The following PCDHA11 variants were observed in gnomAD, a reference collection of about 807,000 sequenced individuals.
PCDHA11 encodes the protein protocadherin alpha-11.
Under a neutral mutation model 70.3 loss-of-function variants are expected in PCDHA11, and 61 were observed. The observed-to-expected ratio is 0.87, with a 90% CI of 0.71 to 1.07. The LOEUF is 1.07. PCDHA11 is among the 50% of genes least tolerant of loss of function. The probability of loss-of-function intolerance (pLI) is 0.00; values close to 1 mark genes in which losing one functional copy is unlikely to be tolerated. For synonymous variants in PCDHA11, 633 were observed against 555.1 expected (o/e 1.14, Z -1.97); for missense variants, 1,324 against 1,237.5 (o/e 1.07, Z -1.05).
At chr5:140,982,675 T>C in intron 3 of PCDHA11, 112 bp downstream of exon 3, 1 of 1,441,782 alleles carries the variant, frequency 6.9e-7, no homozygotes, top group Non-Finnish European at 9.1e-7. Flanking sequence ...ATTTTTGTTA[T>C]TCCCTTTTTT....
chr5:140,978,506 C>T (rs914101151), intron 1 of PCDHA11, among the ~76,000 whole-genome samples: 22 of 152,244 alleles, frequency 1.4e-4, no homozygotes, highest in African/African-American at 4.1e-4. Context: ...GATTGCAGTC[C>T]TCTGCAGTCC....
chr5:140,927,027 G>A (rs1554203924), intron 1 of PCDHA11: 3 of 1,612,328 alleles, frequency 1.9e-6, no homozygotes, highest in Non-Finnish European at 1.7e-6. Context: ...ACTTGAGGCT[G>A]CCAGCGGCCG....
At chr5:140,873,260 G>A (rs1252265709) in intron 1 of PCDHA11, among the ~76,000 whole-genome samples, 2 of 152,146 alleles carry the variant, frequency 1.3e-5, no homozygotes, top group Non-Finnish European at 2.9e-5. Context: ...AGACTCAAAA[G>A]TGATTAAACC....
intron 1 of PCDHA11, among the ~76,000 whole-genome samples, chr5:140,964,670 G>A (rs2095847592): frequency 6.6e-6 from 1 of 151,912 alleles, no homozygotes; most frequent in Non-Finnish European, 1.5e-5. Context: ...CACAGGCCAG[G>A]TCCACAATTT....
chr5:140,971,290 A>G (rs2096467357), intron 1 of PCDHA11, among the ~76,000 whole-genome samples: 1 of 152,204 alleles, frequency 6.6e-6, no homozygotes, highest in East Asian at 1.9e-4. Context: ...ATTAATATGT[A>G]CTTTGGTACA....
intron 1 of PCDHA11, among the ~76,000 whole-genome samples, chr5:140,976,681 A>T (rs2096726641): frequency 6.6e-6 from 1 of 152,206 alleles, no homozygotes; most frequent in Non-Finnish European, 1.5e-5. Context: ...TCATTTTTGC[A>T]ATTTAAGTAC....
At position 140,877,889 on chromosome 5, in the gene PCDHA11, G is replaced by A. The variant is rs904032241; in HGVS notation, c.2391+6395G>A. On this transcript the variant is annotated intron_variant, in intron 1 of 3. Coordinates refer to ENST00000398640, the MANE Select transcript of PCDHA11 (RefSeq NM_018902.5). ...ATATTTGTTTCCTTGAAGAACTTCC[G>A]TTTAGGTTATAACTACATTCTCTCA... 3.3e-5 allele frequency: 48 copies of A among 1,457,998 alleles called. No homozygotes were observed. The African/African-American group carries it at 6.0e-4, about 18-fold the overall frequency. 90.3% of individuals were successfully genotyped at this position (1,457,998 alleles called of 1,614,324 possible). A position where few individuals can be genotyped will look rare whatever the true frequency, so the allele number is the denominator to read the frequency against.
chr5:140,877,707 G>A, intron 1 of PCDHA11: 2 of 1,614,062 alleles, frequency 1.2e-6, no homozygotes, highest in Non-Finnish European at 1.7e-6. Flanking sequence ...CCAGCGCCGT[G>A]GGGAGTTGGT....
chr5:140,891,056 T>C (rs2062933451), intron 1 of PCDHA11, among the ~76,000 whole-genome samples: 1 of 152,196 alleles, frequency 6.6e-6, no homozygotes, highest in Non-Finnish European at 1.5e-5. Context: ...CAGCACATAG[T>C]AAATATTATT....
intron 1 of PCDHA11, among the ~76,000 whole-genome samples, chr5:140,975,937 A>C (rs2096690423): frequency 1.3e-5 from 2 of 152,194 alleles, no homozygotes; most frequent in South Asian, 2.1e-4. Context: ...CTTTGAAGCA[A>C]TAGGACATAT....
rs782531082 is a variant in PCDHA11 at position 140,877,160 on chromosome 5, C to T, written c.2391+5666C>T. The T allele has an allele frequency of 4.0e-5, 64 of 1,613,696 alleles. 1 individual carries two copies. In the Admixed American group the frequency reaches 1.0e-3, roughly 26 times the overall value. The stretch of plus-strand genomic sequence containing the variant: ...GTGCTGGACGAGAACGACAACGCGC[C>T]GGCACTGCTGGCGACTCCGGCTGGC... On this transcript the variant is annotated intron_variant, in intron 1 of 3. Transcript: ENST00000398640.
At chr5:140,906,589 C>T (rs2072764004) in intron 1 of PCDHA11, among the ~76,000 whole-genome samples, 1 of 152,220 alleles carries the variant, frequency 6.6e-6, no homozygotes, top group South Asian at 2.1e-4. Context: ...TGACTACCTT[C>T]CTCTACTACT....
chr5:140,889,025 A>G (rs2062065518), intron 1 of PCDHA11, among the ~76,000 whole-genome samples: 1 of 152,068 alleles, frequency 6.6e-6, no homozygotes, highest in South Asian at 2.1e-4. Flanking sequence ...TTCCTTGGAT[A>G]ACCGTAATTT....
chr5:140,990,172 TGA>T (rs1341832599), intron 3 of PCDHA11, among the ~76,000 whole-genome samples: 1 of 152,022 alleles, frequency 6.6e-6, no homozygotes, highest in Non-Finnish European at 1.5e-5. Context: ...TATGAAAAGG[TGA>T]CTTTTAAGAA....
At chr5:140,937,844 G>A (rs926736710) in intron 1 of PCDHA11, among the ~76,000 whole-genome samples, 7 of 149,606 alleles carry the variant, frequency 4.7e-5, no homozygotes, top group Non-Finnish European at 8.9e-5. Context: ...CCTGGAAGGC[G>A]GAACTTGGAG....
Position 140,870,416 on chromosome 5 carries a change from C to T in PCDHA11, c.1313C>T (p.Ala438Val). 1 of 1,614,230 alleles carries T rather than the reference C, an allele frequency of 6.2e-7. No homozygotes were observed. The highest frequency in any genetic ancestry group is 8.5e-7 in the Non-Finnish European group (1 of 1,180,052). The change falls in exon 1 of 4, where the codon GCC becomes GTC. Residue 438 changes from alanine (A) to valine (V), a missense_variant. Transcript: ENST00000398640. ...DGGSPSLWAT[A>V]RVSVEVADVN... ...GGTTCGCCTTCTCTGTGGGCCACGGCCAGGGTATCCGTGGAGGTGGCCGAC... is the reference window on the plus strand; with the variant it reads ...GGTTCGCCTTCTCTGTGGGCCACGGTCAGGGTATCCGTGGAGGTGGCCGAC...
intron 1 of PCDHA11, among the ~76,000 whole-genome samples, chr5:140,978,727 G>A (rs1382730289): frequency 1.3e-5 from 2 of 152,198 alleles, no homozygotes; most frequent in South Asian, 2.1e-4. Flanking sequence ...TATTAAATCT[G>A]GTCTTCCAGG....
At chr5:140,966,172 G>A in intron 1 of PCDHA11, 1 of 184,672 alleles carries the variant, frequency 5.4e-6, no homozygotes, top group East Asian at 1.4e-4. Context: ...TTTTCCTGGG[G>A]AGCTGATAGC....
At chr5:140,875,761 G>C (rs373515339) in intron 1 of PCDHA11, 4 of 1,614,118 alleles carry the variant, frequency 2.5e-6, no homozygotes, top group East Asian at 4.5e-5. Context: ...GAAGCTGTGC[G>C]GGCGGAGCGC....
Sources: allele counts gnomAD v4.1 joint callset (sites outside exome capture counted in the v4.1 genomes callset), GRCh38; gene constraint gnomAD v4.1.1; transcripts MANE v1.5; gene names NCBI Gene and HGNC (gene_info 2026-07-23, HGNC 2026-07-21).